The following USH2A variants were observed in gnomAD, a reference collection of about 807,000 sequenced individuals.
The protein encoded by USH2A is Usher syndrome 2A (autosomal recessive, mild).
Under a neutral mutation model 538.9 loss-of-function variants are expected in USH2A, and 443 were observed. The ratio of observed to expected loss-of-function variants is 0.82; its 90% CI spans 0.76 to 0.89. The LOEUF (loss-of-function observed/expected upper bound fraction) is 0.89, where lower values mean the gene tolerates loss of function less well. Among genes scored for constraint, USH2A ranks in the 40% least tolerant of loss-of-function variants. The pLI is 0.00. For synonymous variants in USH2A, 2,413 were observed against 2,273.5 expected, an observed-to-expected ratio of 1.06 and a Z score of -1.75; for missense variants, 6,633 against 6,324.8, an observed-to-expected ratio of 1.05 and a Z score of -1.65.
intron 21 of USH2A, among the ~76,000 whole-genome samples, chr1:216,149,462 C>T (rs930331991): frequency 2.6e-5 from 4 of 152,134 alleles, no homozygotes; most frequent in Non-Finnish European, 4.4e-5. Context: ...GACTAATGGT[C>T]TTTTAAAAGG....
At chr1:216,294,402 T>G (rs901872796) in intron 9 of USH2A, among the ~76,000 whole-genome samples, 6 of 152,052 alleles carry the variant, frequency 3.9e-5, no homozygotes, top group Non-Finnish European at 8.8e-5. Context: ...TATTGTGTTA[T>G]TAAAAATCAT....
chr1:216,177,900 C>T (rs17026239), intron 20 of USH2A, among the ~76,000 whole-genome samples: 1,631 of 152,106 alleles, frequency 0.011, 23 homozygotes, highest in African/African-American at 0.038. Context: ...TCATAATCAC[C>T]GAGCCTATTT....
intron 11 of USH2A, among the ~76,000 whole-genome samples, chr1:216,283,327 T>C (rs1437913962): frequency 6.6e-6 from 1 of 152,200 alleles, no homozygotes; most frequent in Non-Finnish European, 1.5e-5. Flanking sequence ...GCTGACCTCG[T>C]GATCCACCCG....
Position 216,369,308 on chromosome 1 carries a change from C to G in USH2A, c.652-4223G>C, listed in dbSNP as rs190815870. On this transcript the variant is annotated intron_variant, in intron 3 of 71. Transcript: ENST00000307340. ...TGTTGTATTCCCCTACCTACGAACA[C>G]GTGGAATCCCCACACATCCCATCCT... is the stretch of plus-strand genomic sequence containing the variant. Among the ~76,000 whole-genome samples the G allele has an allele frequency of 4.6e-5, 7 of 152,254 alleles. No homozygotes were observed. In the East Asian group the frequency reaches 1.4e-3, roughly 29 times the overall value.
intron 35 of USH2A, among the ~76,000 whole-genome samples, chr1:215,972,948 C>A (rs796201499): frequency 1.6e-4 from 24 of 152,002 alleles, no homozygotes; most frequent in African/African-American, 5.8e-4. Flanking sequence ...GTGAAAGACA[C>A]ATAGTGAAAA....
chr1:216,352,623 G>T (rs942887267), intron 4 of USH2A, among the ~76,000 whole-genome samples: 1 of 151,988 alleles, frequency 6.6e-6, no homozygotes, highest in African/African-American at 2.4e-5. Context: ...AAGAAATGGG[G>T]GAGGGTCAAG....
chr1:215,886,522 T>A (rs551067329), intron 41 of USH2A: 1 of 152,208 alleles, frequency 6.6e-6, no homozygotes, highest in African/African-American at 2.4e-5. Flanking sequence ...AGTTATAAGA[T>A]GAGAATAAAA....
chr1:215,676,106 T>C (rs1658015975), intron 62 of USH2A, among the ~76,000 whole-genome samples: 1 of 151,728 alleles, frequency 6.6e-6, no homozygotes, highest in Non-Finnish European at 1.5e-5. Context: ...AAGAGTATGC[T>C]TGTGTGTGTG....
chr1:216,143,079 T>C (rs1000506620), intron 21 of USH2A, among the ~76,000 whole-genome samples: 6 of 152,166 alleles, frequency 3.9e-5, no homozygotes, highest in Non-Finnish European at 4.4e-5. Flanking sequence ...TCAAGGCCCT[T>C]CATCATTTTT....
intron 32 of USH2A, among the ~76,000 whole-genome samples, chr1:216,000,796 T>A (rs111828412): frequency 6.6e-6 from 1 of 152,232 alleles, no homozygotes; most frequent in Non-Finnish European, 1.5e-5. Flanking sequence ...CTTTTTCATT[T>A]TAACAGTTTT....
intron 26 of USH2A, chr1:216,079,040 A>G (rs760893589): frequency 2.6e-5 from 4 of 152,178 alleles, no homozygotes; most frequent in Non-Finnish European, 5.9e-5. Flanking sequence ...TCTCATGATA[A>G]TTATTTTACC....
intron 64 of USH2A, among the ~76,000 whole-genome samples, chr1:215,667,377 T>C (rs979564598): frequency 2.0e-5 from 3 of 152,102 alleles, no homozygotes; most frequent in Non-Finnish European, 4.4e-5. Context: ...CTGCAGTGAG[T>C]AGCTCCTCCC....
intron 30 of USH2A, among the ~76,000 whole-genome samples, chr1:216,052,616 GGAA>G (rs1188304047): frequency 2.6e-5 from 4 of 152,152 alleles, no homozygotes; most frequent in South Asian, 2.1e-4. Context: ...ACCTACTTCA[GGAA>G]GAAGAACACT....
intron 48 of USH2A, among the ~76,000 whole-genome samples, chr1:215,816,595 A>G (rs1224042504): frequency 1.3e-5 from 2 of 152,090 alleles, no homozygotes; most frequent in Admixed American, 1.3e-4. Flanking sequence ...CGCATCTAAT[A>G]TGAACATTAA....
At chr1:215,725,751 T>A (rs1454001990) in intron 61 of USH2A, among the ~76,000 whole-genome samples, 1 of 152,138 alleles carries the variant, frequency 6.6e-6, no homozygotes. Flanking sequence ...TACTGGACTG[T>A]CAAAATGAAA....
At chr1:216,038,897 T>A (rs1470336975) in intron 32 of USH2A, among the ~76,000 whole-genome samples, 1 of 152,084 alleles carries the variant, frequency 6.6e-6, no homozygotes, top group Admixed American at 6.6e-5. Flanking sequence ...ATTATTCCCA[T>A]GATTCTTCTA....
At chr1:215,842,576 A>G (rs1028415537) in intron 46 of USH2A, among the ~76,000 whole-genome samples, 1 of 152,230 alleles carries the variant, frequency 6.6e-6, no homozygotes, top group African/African-American at 2.4e-5. Context: ...CATCAATTAT[A>G]GACTGGATAA....
intron 38 of USH2A, among the ~76,000 whole-genome samples, chr1:215,917,109 C>T (rs1171817503): frequency 6.6e-6 from 1 of 152,084 alleles, no homozygotes; most frequent in Non-Finnish European, 1.5e-5. Flanking sequence ...ATTAGAGGCC[C>T]TGAAGTTGGT....
chr1:215,847,510 T>C (rs915443786), intron 44 of USH2A, among the ~76,000 whole-genome samples: 1 of 151,954 alleles, frequency 6.6e-6, no homozygotes, highest in African/African-American at 2.4e-5. Context: ...CCAGGTGTGA[T>C]GGCACACACC....
Sources: allele counts gnomAD v4.1 joint callset (sites outside exome capture counted in the v4.1 genomes callset), GRCh38; gene constraint gnomAD v4.1.1; transcripts MANE v1.5; gene names NCBI Gene and HGNC (gene_info 2026-07-23, HGNC 2026-07-21).